Variants in GALNTL6 observed in about 807,000 individuals in gnomAD.
GALNTL6 encodes polypeptide N-acetylgalactosaminyltransferase like 6.
In GALNTL6, 46 loss-of-function variants were observed where a neutral mutation model predicts 73.7. The observed-to-expected ratio is 0.62, with a 90% CI of 0.49 to 0.80. GALNTL6 has a LOEUF of 0.80. Among genes scored for constraint, GALNTL6 ranks in the 30% least tolerant of loss-of-function variants. The pLI is 0.00. For synonymous variants in GALNTL6, 259 were observed against 263.7 expected, an observed-to-expected ratio of 0.98 and a Z score of 0.17; for missense variants, 604 against 755.0, an observed-to-expected ratio of 0.80 and a Z score of 2.34.
intron 2 of GALNTL6, among the ~76,000 whole-genome samples, chr4:172,096,538 T>TAAA (rs112060285): frequency 0.012 from 1,734 of 149,338 alleles, 24 homozygotes; most frequent in Middle Eastern, 0.017. Flanking sequence ...GCCCTTTTTA[T>TAAA]AAAAAAAAAA....
At chr4:171,856,447 T>G (rs1735695216) in intron 2 of GALNTL6, among the ~76,000 whole-genome samples, 1 of 152,116 alleles carries the variant, frequency 6.6e-6, no homozygotes, top group African/African-American at 2.4e-5. Context: ...GTCCATTTAA[T>G]CAATTTTTTA....
At chr4:172,439,472 C>T (rs1731752030) in intron 5 of GALNTL6, among the ~76,000 whole-genome samples, 1 of 51,084 alleles carries the variant, frequency 2.0e-5, no homozygotes, top group African/African-American at 6.5e-5. Flanking sequence ...TTATGTCTTA[C>T]TCTTCTTTGC....
At chr4:172,484,397 A>C (rs2111489289) in intron 5 of GALNTL6, among the ~76,000 whole-genome samples, 1 of 152,326 alleles carries the variant, frequency 6.6e-6, no homozygotes, top group East Asian at 1.9e-4. Flanking sequence ...TACAGTAAAG[A>C]TATCAGTGTA....
chr4:172,628,897 T>C (rs1739274962), intron 5 of GALNTL6, among the ~76,000 whole-genome samples: 1 of 148,936 alleles, frequency 6.7e-6, no homozygotes, highest in East Asian at 1.9e-4. Context: ...ATCCTTCATT[T>C]AAAAAAAAAA....
intron 5 of GALNTL6, among the ~76,000 whole-genome samples, chr4:172,455,886 C>T (rs929836691): frequency 3.3e-5 from 5 of 152,170 alleles, no homozygotes; most frequent in African/African-American, 1.2e-4. Flanking sequence ...GTCCCTGACC[C>T]CAGTGCCTCC....
chr4:172,803,493 G>A (rs1212623241), intron 5 of GALNTL6, among the ~76,000 whole-genome samples: 2 of 152,126 alleles, frequency 1.3e-5, no homozygotes, highest in Non-Finnish European at 2.9e-5. Context: ...CTGGCCCCTG[G>A]TGCCAAAAAG....
chr4:172,662,801 T>C (rs945822256), intron 5 of GALNTL6, among the ~76,000 whole-genome samples: 17 of 152,098 alleles, frequency 1.1e-4, no homozygotes, highest in Non-Finnish European at 2.4e-4. Context: ...AAAAAAATAA[T>C]TTCAGATGGT....
At chr4:172,876,284 T>A (rs1208069591) in intron 7 of GALNTL6, among the ~76,000 whole-genome samples, 2 of 152,192 alleles carry the variant, frequency 1.3e-5, no homozygotes, top group Non-Finnish European at 2.9e-5. Context: ...GCACAAAATT[T>A]GTACCATGAT....
At chr4:171,820,056 G>T (rs890299350) in intron 2 of GALNTL6, among the ~76,000 whole-genome samples, 1 of 152,036 alleles carries the variant, frequency 6.6e-6, no homozygotes, top group African/African-American at 2.4e-5. Context: ...TCAAAATGTA[G>T]TCGTAATGCT....
intron 7 of GALNTL6, among the ~76,000 whole-genome samples, chr4:172,834,880 C>G (rs567719195): frequency 5.3e-5 from 8 of 152,330 alleles, no homozygotes; most frequent in African/African-American, 1.4e-4. Flanking sequence ...GTTCAAGAAC[C>G]ATGAGTGAGA....
rs17058742 is a variant in GALNTL6, at chr4:172,685,917, G to C, written c.554-123444G>C. ...GTAGTCCATTCCCTCTGAGACACCA[G>C]ATGCTGTATGCCATCTGTCCAAGTT... On this transcript the variant is annotated intron_variant, in intron 5 of 12. Transcript: ENST00000506823. 4.4e-3 allele frequency among the ~76,000 whole-genome samples: 672 copies of C among 152,254 alleles called. 4 individuals are homozygous for C. Among genetic ancestry groups the C allele is most frequent in the African/African-American group, 0.015 (642 of 41,540 alleles).
At chr4:172,768,890 C>T (rs533150178) in intron 5 of GALNTL6, among the ~76,000 whole-genome samples, 3 of 152,116 alleles carry the variant, frequency 2.0e-5, no homozygotes, top group African/African-American at 7.2e-5. Flanking sequence ...TTCTGTTCTC[C>T]TGTGACCACC....
intron 2 of GALNTL6, among the ~76,000 whole-genome samples, chr4:172,111,538 T>G (rs2110979931): frequency 6.6e-6 from 1 of 152,198 alleles, no homozygotes; most frequent in African/African-American, 2.4e-5. Context: ...AACTTAGCAC[T>G]TTACCCCTTC....
At chr4:172,086,215 G>T (rs1732028062) in intron 2 of GALNTL6, among the ~76,000 whole-genome samples, 1 of 151,970 alleles carries the variant, frequency 6.6e-6, no homozygotes, top group East Asian at 1.9e-4. Context: ...TAATTAAACT[G>T]TAGAAAATTA....
At chr4:172,545,381 T>C (rs746278825) in intron 5 of GALNTL6, among the ~76,000 whole-genome samples, 1 of 152,210 alleles carries the variant, frequency 6.6e-6, no homozygotes, top group Admixed American at 6.5e-5. Flanking sequence ...TGTTGCTAAC[T>C]ATAGCACCAG....
At chr4:172,107,262 T>G (rs1732700469) in intron 2 of GALNTL6, among the ~76,000 whole-genome samples, 1 of 152,226 alleles carries the variant, frequency 6.6e-6, no homozygotes, top group African/African-American at 2.4e-5. Flanking sequence ...ACTTCTTTAC[T>G]AGAAGGTGGA....
chr4:172,448,666 C>T (rs1481573656), intron 5 of GALNTL6, among the ~76,000 whole-genome samples: 1 of 152,196 alleles, frequency 6.6e-6, no homozygotes, highest in Non-Finnish European at 1.5e-5. Context: ...TTTTAGTCTT[C>T]TCTAGAAATA....
intron 5 of GALNTL6, among the ~76,000 whole-genome samples, chr4:172,775,022 T>C (rs1738997300): frequency 1.3e-5 from 2 of 150,282 alleles, no homozygotes; most frequent in Admixed American, 1.3e-4. Flanking sequence ...AGATAAGGAC[T>C]TGGGGACATA....
At chr4:172,048,529 A>G (rs9312516) in intron 2 of GALNTL6, among the ~76,000 whole-genome samples, 65,826 of 151,896 alleles carry the variant, frequency 0.43, 14,472 homozygotes, top group African/African-American at 0.46. Context: ...GATTCCTTCA[A>G]ATGGTTTAGT....
Sources: allele counts gnomAD v4.1 joint callset (sites outside exome capture counted in the v4.1 genomes callset), GRCh38; gene constraint gnomAD v4.1.1; transcripts MANE v1.5; gene names NCBI Gene and HGNC (gene_info 2026-07-23, HGNC 2026-07-21).